GNB1: variants seen among roughly 807,000 people sequenced by gnomAD.
GNB1 encodes G protein subunit beta 1.
A neutral mutation model predicts 42.9 loss-of-function variants in GNB1; 2 were observed. The observed-to-expected ratio is 0.05, with a 90% confidence interval of 0.02 to 0.15. GNB1 has a LOEUF of 0.15. Among genes scored for constraint, GNB1 ranks in the 10% least tolerant of loss-of-function variants. GNB1 has a pLI of 1.00. For missense variants in GNB1, 193 were observed against 462.2 expected, an observed-to-expected ratio of 0.42 and a Z score of 5.34; for synonymous variants, 183 against 174.7, an observed-to-expected ratio of 1.05 and a Z score of -0.38.
chr1:1,800,980 G>A (rs1242463884), intron 7 of GNB1, among the ~76,000 whole-genome samples: 2 of 152,226 alleles, frequency 1.3e-5, no homozygotes, highest in South Asian at 2.1e-4. Context: ...GCAGGAGAGC[G>A]GGAAGGGCAC....
chr1:1,854,489 T>G (rs1648157977), intron 1 of GNB1, among the ~76,000 whole-genome samples: 1 of 151,732 alleles, frequency 6.6e-6, no homozygotes, highest in Non-Finnish European at 1.5e-5. Context: ...AGCTCAGTCA[T>G]AAAAAAAAGG....
chr1:1,843,396 A>G (rs1647433051), intron 1 of GNB1, among the ~76,000 whole-genome samples: 1 of 151,844 alleles, frequency 6.6e-6, no homozygotes, highest in Non-Finnish European at 1.5e-5. Flanking sequence ...ATTAAAAAAT[A>G]TATATATATT....
At chr1:1,833,903 A>T (rs189554832) in intron 2 of GNB1, among the ~76,000 whole-genome samples, 1 of 152,352 alleles carries the variant, frequency 6.6e-6, no homozygotes, top group Admixed American at 6.5e-5. Context: ...CCAAAGCTCT[A>T]GAACTAGAAG....
chr1:1,841,026 C>T (rs1244189486), intron 1 of GNB1, among the ~76,000 whole-genome samples: 1 of 150,146 alleles, frequency 6.7e-6, no homozygotes, highest in Non-Finnish European at 1.5e-5. Context: ...TGAGTAGCTG[C>T]GATTATAGGC....
intron 1 of GNB1, among the ~76,000 whole-genome samples, chr1:1,864,181 G>A (rs533969422): frequency 6.6e-6 from 1 of 151,746 alleles, no homozygotes; most frequent in Non-Finnish European, 1.5e-5. Flanking sequence ...AAATTAGCCA[G>A]GCGTGGTGGC....
At chr1:1,841,917 T>G (rs1647253788) in intron 1 of GNB1, among the ~76,000 whole-genome samples, 1 of 152,222 alleles carries the variant, frequency 6.6e-6, no homozygotes, top group African/African-American at 2.4e-5. Flanking sequence ...GCAGCAGTAC[T>G]CAGCAGCCAG....
intron 1 of GNB1, among the ~76,000 whole-genome samples, chr1:1,868,818 T>C (rs1649087259): frequency 6.6e-6 from 1 of 151,590 alleles, no homozygotes; most frequent in Admixed American, 6.6e-5. Context: ...GGCCTAACAA[T>C]CATGAAACAA....
chr1:1,876,775 T>A (rs1649569016), intron 1 of GNB1, among the ~76,000 whole-genome samples: 1 of 152,138 alleles, frequency 6.6e-6, no homozygotes, highest in African/African-American at 2.4e-5. Context: ...AGAATTTTAT[T>A]TGTAGCATGT....
intron 5 of GNB1, among the ~76,000 whole-genome samples, chr1:1,813,035 T>C (rs1324248581): frequency 6.6e-6 from 1 of 152,186 alleles, no homozygotes; most frequent in African/African-American, 2.4e-5. Flanking sequence ...CTAACCTGCC[T>C]AATCTGCACA....
intron 1 of GNB1, among the ~76,000 whole-genome samples, chr1:1,882,212 G>A (rs879262048): frequency 4.6e-5 from 7 of 152,098 alleles, no homozygotes; most frequent in Non-Finnish European, 1.0e-4. Context: ...ACTTTGGGAG[G>A]CCAAGGAGTT....
At position 1,804,448 on chromosome 1, in the gene GNB1, C is replaced by T. The variant is rs1646669343; in HGVS notation, c.401G>A (p.Arg134His). The T allele has an allele frequency of 6.8e-6, 11 of 1,613,718 alleles. No individual in the cohort carries two copies. Among genetic ancestry groups the T allele is most frequent in the African/African-American group, 1.3e-5 (1 of 74,910 alleles). ...YNLKTREGNV[R>H]VSRELAGHTG... ...GTGTCCTGCCAGCTCACGACTCACG[C>T]GCACGTTCCCCTCACGAGTTTTCAG... The change falls in exon 7 of 12, where the codon CGC (arginine) becomes CAC (histidine). Residue 134 changes from arginine (R) to histidine (H), a missense_variant. Transcript: ENST00000378609.
intron 4 of GNB1, among the ~76,000 whole-genome samples, chr1:1,816,444 CA>C: frequency 6.6e-6 from 1 of 152,200 alleles, no homozygotes; most frequent in East Asian, 1.9e-4. Flanking sequence ...ACGGACAGTC[CA>C]AAGTGCTTCT....
chr1:1,800,588 G>A (rs1339486610), intron 7 of GNB1, among the ~76,000 whole-genome samples: 1 of 152,088 alleles, frequency 6.6e-6, no homozygotes, highest in Non-Finnish European at 1.5e-5. Context: ...GCACAGAGGG[G>A]CAGGGACTAA....
chr1:1,797,812 G>T (rs953070078), intron 7 of GNB1, among the ~76,000 whole-genome samples: 13 of 152,322 alleles, frequency 8.5e-5, no homozygotes, highest in Admixed American at 2.0e-4. Context: ...GAACATCCCT[G>T]TTGGGAGCAG....
intron 1 of GNB1, among the ~76,000 whole-genome samples, chr1:1,867,694 C>T (rs1164726375): frequency 6.6e-6 from 1 of 152,118 alleles, no homozygotes; most frequent in Non-Finnish European, 1.5e-5. Flanking sequence ...AATTTTCCTG[C>T]CTTTGAACTA....
intron 2 of GNB1, among the ~76,000 whole-genome samples, chr1:1,836,338 T>G (rs1647149116): frequency 6.6e-6 from 1 of 151,846 alleles, no homozygotes; most frequent in African/African-American, 2.4e-5. Flanking sequence ...AAGTGTCTGT[T>G]CAAGTCACTT....
At chr1:1,834,892 T>A (rs1311515459) in intron 2 of GNB1, among the ~76,000 whole-genome samples, 2 of 151,862 alleles carry the variant, frequency 1.3e-5, no homozygotes, top group African/African-American at 4.8e-5. Flanking sequence ...ATGGTCTTGA[T>A]CTCCTGACTT....
chr1:1,862,260 C>T (rs1648673912), intron 1 of GNB1, among the ~76,000 whole-genome samples: 1 of 152,160 alleles, frequency 6.6e-6, no homozygotes, highest in Non-Finnish European at 1.5e-5. Flanking sequence ...GTTAGCAGAG[C>T]AACGTGGCAG....
chr1:1,876,086 G>GTC (rs1046812768), intron 1 of GNB1, among the ~76,000 whole-genome samples: 8 of 152,162 alleles, frequency 5.3e-5, no homozygotes, highest in African/African-American at 1.7e-4. Flanking sequence ...GAAAGGAAGT[G>GTC]TCCTCCCTTG....
Sources: allele counts gnomAD v4.1 joint callset (sites outside exome capture counted in the v4.1 genomes callset), GRCh38; gene constraint gnomAD v4.1.1; transcripts MANE v1.5; gene names NCBI Gene and HGNC (gene_info 2026-07-23, HGNC 2026-07-21).